RPTOR: variants seen among roughly 807,000 people sequenced by gnomAD.
The protein encoded by RPTOR is regulatory associated protein of MTOR complex 1.
Under a neutral mutation model 169.9 loss-of-function variants are expected in RPTOR, and 21 were observed. The observed-to-expected ratio is 0.12, with a 90% CI of 0.09 to 0.18. The LOEUF is 0.18. RPTOR is among the 10% of genes least tolerant of loss of function. The pLI, the probability that RPTOR is intolerant of heterozygous loss-of-function variation, is 1.00. For missense variants in RPTOR, 1,133 were observed against 1,855.9 expected, an observed-to-expected ratio of 0.61 and a Z score of 7.16; for synonymous variants, 732 against 753.2, an observed-to-expected ratio of 0.97 and a Z score of 0.46.
Position 80,922,737 on chromosome 17 carries a change from C to T in RPTOR, c.2534C>T (p.Ala845Val). Residue 845 changes from alanine (A) to valine (V), a missense_variant, in exon 22 of 34, where the codon GCC (alanine) becomes GTC (valine). This residue lies in a region of RPTOR where 123 missense variants were observed against 129.0 expected (regional missense o/e 0.95). Coordinates refer to ENST00000306801, the MANE Select transcript of RPTOR (RefSeq NM_020761.3). ...NSIAYKATVN[A>V]RPQRVLDTSS... The stretch of plus-strand genomic sequence containing the variant: ...CTTTGCCCCTAGGCCACCGTGAACG[C>T]CCGGCCGCAGCGCGTCCTGGACACC... 1 of 1,588,086 alleles carries T rather than the reference C, an allele frequency of 6.3e-7. No individual in the cohort carries two copies. Among genetic ancestry groups the T allele is most frequent in the Admixed American group, 1.7e-5 (1 of 58,004 alleles).
chr17:80,621,292 C>T (rs2065352341), intron 1 of RPTOR, among the ~76,000 whole-genome samples: 1 of 152,156 alleles, frequency 6.6e-6, no homozygotes, highest in South Asian at 2.1e-4. Flanking sequence ...CAGAGATCTT[C>T]AGAGATACTT....
rs2067714762 is a variant in RPTOR, at chr17:80,845,206, C to T, written c.1213-1267C>T. 6.6e-6 allele frequency among the ~76,000 whole-genome samples: 1 copy of T among 152,144 alleles called. No homozygotes were observed. The highest frequency in any genetic ancestry group is 6.5e-5 in the Admixed American group (1 of 15,280). ...CATGGCACCCAGGCGAATCCCCCTC[C>T]ACTCTGTGCCTGCACTCACGTGGCT... On this transcript the variant is annotated intron_variant, in intron 10 of 33. Transcript: ENST00000306801. This position sits in a 1 kb window ranked among gnomAD's most constrained non-coding sequence, Gnocchi z 5.4.
intron 4 of RPTOR, among the ~76,000 whole-genome samples, chr17:80,709,283 G>A (rs560955580): frequency 1.4e-4 from 22 of 152,300 alleles, no homozygotes; most frequent in African/African-American, 4.8e-4. Flanking sequence ...ACCACCAGGC[G>A]TGCACCACAG....
intron 1 of RPTOR, among the ~76,000 whole-genome samples, chr17:80,616,963 G>A (rs2065316547): frequency 1.3e-5 from 2 of 152,102 alleles, no homozygotes; most frequent in African/African-American, 4.8e-5. Flanking sequence ...TCAGCTGACT[G>A]CGCAGGTTAT....
intron 6 of RPTOR, among the ~76,000 whole-genome samples, chr17:80,765,387 C>T (rs1009016900): frequency 6.6e-6 from 1 of 152,234 alleles, no homozygotes; most frequent in African/African-American, 2.4e-5. Context: ...CTTCACTTCT[C>T]TCACCTCTGC....
intron 1 of RPTOR, among the ~76,000 whole-genome samples, chr17:80,580,086 T>C (rs1174523158): frequency 2.0e-5 from 3 of 152,370 alleles, no homozygotes; most frequent in Non-Finnish European, 4.4e-5. Flanking sequence ...TTTCCTGATC[T>C]CATCTCCTTT....
At chr17:80,578,428 G>T (rs1568315416) in intron 1 of RPTOR, among the ~76,000 whole-genome samples, 1 of 152,174 alleles carries the variant, frequency 6.6e-6, no homozygotes, top group Non-Finnish European at 1.5e-5. Flanking sequence ...AACACAAGCT[G>T]TCCAGCTTCC....
chr17:80,698,910 G>A (rs141940011), intron 3 of RPTOR, among the ~76,000 whole-genome samples: 23 of 152,340 alleles, frequency 1.5e-4, no homozygotes, highest in South Asian at 1.0e-3. Flanking sequence ...GCCAGGAAGC[G>A]CCAGCTTGTG....
chr17:80,770,473 C>T (rs1240003013), intron 6 of RPTOR, among the ~76,000 whole-genome samples: 1 of 152,142 alleles, frequency 6.6e-6, no homozygotes, highest in Non-Finnish European at 1.5e-5. Flanking sequence ...CACAGAGGAG[C>T]AAATTTCATC....
intron 1 of RPTOR, among the ~76,000 whole-genome samples, chr17:80,586,439 A>G (rs1185393479): frequency 6.6e-6 from 1 of 152,196 alleles, no homozygotes. Context: ...TCCACTTTCC[A>G]TTTGGCCAAA....
chr17:80,634,421 G>A (rs1239189967), intron 2 of RPTOR, among the ~76,000 whole-genome samples: 3 of 117,402 alleles, frequency 2.6e-5, no homozygotes, highest in East Asian at 4.7e-4. Context: ...TGTGCATACC[G>A]TGTGTGTGTG....
At chr17:80,882,146 G>A (rs987844350) in intron 14 of RPTOR, among the ~76,000 whole-genome samples, 2 of 152,202 alleles carry the variant, frequency 1.3e-5, no homozygotes, top group East Asian at 1.9e-4. Flanking sequence ...GAAGCTAAGC[G>A]AGAAGATATG....
chr17:80,659,976 A>C lies in RPTOR; in HGVS notation c.348+16166A>C, dbSNP rs1385390743. On this transcript the variant is annotated intron_variant, in intron 3 of 33. Coordinates refer to ENST00000306801, the MANE Select transcript of RPTOR (RefSeq NM_020761.3). The surrounding 1 kb of genome is among the most constrained non-coding windows in gnomAD (Gnocchi z 4.3). ...GGTAATATTCTTTTGTGTATATATA[A>C]GAATTTAAATGAGGCCGGGCGTGGT... Among the ~76,000 whole-genome samples the C allele has an allele frequency of 1.3e-5, 2 of 152,122 alleles. No individual in the cohort carries two copies. Among genetic ancestry groups the C allele is most frequent in the Non-Finnish European group, 2.9e-5 (2 of 68,010 alleles).
intron 1 of RPTOR, among the ~76,000 whole-genome samples, chr17:80,616,772 A>T (rs2065314450): frequency 6.6e-6 from 1 of 152,158 alleles, no homozygotes; most frequent in Non-Finnish European, 1.5e-5. Flanking sequence ...AGAAAAAAAA[A>T]ATATTAGAGC....
intron 25 of RPTOR, among the ~76,000 whole-genome samples, chr17:80,944,990 C>CAA (rs530408210): frequency 4.4e-4 from 41 of 93,048 alleles, no homozygotes; most frequent in African/African-American, 1.5e-3. Flanking sequence ...GACTCCATCT[C>CAA]AAAAAAAAAA....
At chr17:80,642,954 CTT>C (rs762626896) in intron 2 of RPTOR, among the ~76,000 whole-genome samples, 1 of 151,964 alleles carries the variant, frequency 6.6e-6, no homozygotes, top group African/African-American at 2.4e-5. Context: ...TTCTACTAAA[CTT>C]TTTTGGAAAA....
At chr17:80,937,765 C>G (rs530153552) in intron 24 of RPTOR, among the ~76,000 whole-genome samples, 1 of 152,294 alleles carries the variant, frequency 6.6e-6, no homozygotes, top group Non-Finnish European at 1.5e-5. Flanking sequence ...TTGCTGCCTC[C>G]GTGCTGAGCG....
At chr17:80,912,362 A>G (rs1337776900) in intron 21 of RPTOR, among the ~76,000 whole-genome samples, 1 of 152,108 alleles carries the variant, frequency 6.6e-6, no homozygotes, top group East Asian at 1.9e-4. Context: ...TTTTCCCCCA[A>G]TTAATTTAGC....
chr17:80,963,247 G>T (rs1318740562), intron 33 of RPTOR, among the ~76,000 whole-genome samples, 190 bp downstream of exon 33: 1 of 152,046 alleles, frequency 6.6e-6, no homozygotes, highest in Non-Finnish European at 1.5e-5. Flanking sequence ...ACTCGCCCCG[G>T]AAGCAGAGCC....
Sources: allele counts gnomAD v4.1 joint callset (sites outside exome capture counted in the v4.1 genomes callset), GRCh38; gene constraint gnomAD v4.1.1; regional missense constraint gnomAD v4.1.1; non-coding constraint Gnocchi (gnomAD v3.1); transcripts MANE v1.5; gene names NCBI Gene and HGNC (gene_info 2026-07-23, HGNC 2026-07-21).